NTNG1: variants seen among roughly 807,000 people sequenced by gnomAD.
NTNG1 encodes the protein netrin G1.
NTNG1 carries 16 observed loss-of-function variants against 54.0 expected under a neutral mutation model. The observed-to-expected ratio is 0.30, with a 90% CI of 0.20 to 0.45. The LOEUF is 0.45. NTNG1 is among the 20% of genes least tolerant of loss of function. The pLI is 1.00. For synonymous variants in NTNG1, 255 were observed against 263.1 expected (o/e 0.97, Z 0.30); for missense variants, 530 against 678.7 (o/e 0.78, Z 2.43).
intron 2 of NTNG1, among the ~76,000 whole-genome samples, chr1:107,235,986 T>C (rs537693955): frequency 9.2e-5 from 14 of 152,242 alleles, no homozygotes; most frequent in Admixed American, 8.5e-4. Context: ...GGATTACAGC[T>C]GAAAAAGCTG....
At chr1:107,149,153 G>T (rs902950833) in intron 2 of NTNG1, among the ~76,000 whole-genome samples, 1 of 152,142 alleles carries the variant, frequency 6.6e-6, no homozygotes, top group Non-Finnish European at 1.5e-5. Context: ...TAGATTGGAG[G>T]TTGGAAATAT....
At chr1:107,393,368 G>A (rs1444276129) in intron 3 of NTNG1, among the ~76,000 whole-genome samples, 1 of 152,116 alleles carries the variant, frequency 6.6e-6, no homozygotes, top group Non-Finnish European at 1.5e-5. Context: ...GTTGGAAGGA[G>A]AAAGATGCTT....
intron 3 of NTNG1, among the ~76,000 whole-genome samples, chr1:107,367,062 G>A (rs1412282248): frequency 8.0e-6 from 1 of 125,722 alleles, no homozygotes; most frequent in Admixed American, 8.6e-5. Flanking sequence ...TCTTTTATCT[G>A]TTCGTGTGTG....
At chr1:107,221,540 T>G (rs1228644544) in intron 2 of NTNG1, among the ~76,000 whole-genome samples, 1 of 152,100 alleles carries the variant, frequency 6.6e-6, no homozygotes, top group African/African-American at 2.4e-5. Context: ...TACCAAAATG[T>G]CAGGAAAGGC....
At chr1:107,420,269 A>C (rs1420210336) in intron 5 of NTNG1, among the ~76,000 whole-genome samples, 1 of 152,110 alleles carries the variant, frequency 6.6e-6, no homozygotes, top group Non-Finnish European at 1.5e-5. Context: ...TAGAATGTGG[A>C]TAATGAGTTC....
intron 3 of NTNG1, among the ~76,000 whole-genome samples, chr1:107,356,419 G>A (rs1480624080): frequency 6.6e-6 from 1 of 151,914 alleles, no homozygotes; most frequent in Non-Finnish European, 1.5e-5. Flanking sequence ...TCAGCCTCCC[G>A]AGTAGCTGCA....
rs745789113 is a variant in NTNG1 at position 107,148,818 on chromosome 1, T to A, written c.225T>A (p.Pro75=). ...CTCCGGATATTACCTGTGGAGACCC[T>A]CCTGAGACGTTCTGTGCAATGGTGA... ...LDPPDITCGD[P]PETFCAMGNP... is the part of the protein sequence containing the mutation. The change falls in exon 2 of 8, where the codon CCT becomes CCA. Residue 75 remains proline (P), a synonymous_variant. Transcript: ENST00000370068. 1 of 1,613,608 alleles carries A rather than the reference T, an allele frequency of 6.2e-7. No individual in the cohort carries two copies. The highest frequency in any genetic ancestry group is 1.1e-5 in the South Asian group (1 of 91,078).
intron 2 of NTNG1, among the ~76,000 whole-genome samples, chr1:107,185,209 C>T (rs978882825): frequency 1.3e-5 from 2 of 152,140 alleles, no homozygotes; most frequent in Admixed American, 1.3e-4. Flanking sequence ...GACAAAATGC[C>T]ACAAATTGGA....
chr1:107,229,718 T>A (rs1463574450), intron 2 of NTNG1, among the ~76,000 whole-genome samples: 1 of 152,016 alleles, frequency 6.6e-6, no homozygotes, highest in Non-Finnish European at 1.5e-5. Context: ...GCAAAAACTT[T>A]TGGGCACTTT....
intron 2 of NTNG1, among the ~76,000 whole-genome samples, chr1:107,186,336 T>C (rs1402775651): frequency 6.6e-6 from 1 of 152,166 alleles, no homozygotes; most frequent in Non-Finnish European, 1.5e-5. Flanking sequence ...TACTCTTGCC[T>C]CTTCTAAACC....
chr1:107,229,668 C>T (rs1660925660), intron 2 of NTNG1, among the ~76,000 whole-genome samples: 1 of 151,774 alleles, frequency 6.6e-6, no homozygotes, highest in Admixed American at 6.6e-5. Context: ...TCTTATCTTC[C>T]CTTCTCTCAC....
chr1:107,190,074 T>G (rs1657789957), intron 2 of NTNG1, among the ~76,000 whole-genome samples: 1 of 152,080 alleles, frequency 6.6e-6, no homozygotes, highest in Non-Finnish European at 1.5e-5. Context: ...ATGGCAAATA[T>G]TGTACAATTC....
rs10598493 is a variant in NTNG1 at position 107,381,348 on chromosome 1, TAAAAAAAAAA to T, written c.888-13787_888-13778del. 2.3e-4 allele frequency among the ~76,000 whole-genome samples: 12 copies of T among 51,616 alleles called. 1 individual carries two copies. The highest frequency in any genetic ancestry group is 1.1e-4 in the Non-Finnish European group (3 of 28,424). The allele number at this position is 51,616 out of a possible 152,430, so 33.9% of individuals were successfully genotyped here. A position where few individuals can be genotyped will look rare whatever the true frequency, so the allele number is the denominator to read the frequency against. On this transcript the variant is annotated intron_variant, in intron 3 of 7. Transcript: ENST00000370068. ...AAAATATAGCACCTTTCTCTTTAAC[TAAAAAAAAAA>T]AAAAAAAAAAAAAAAAAAGTCACTT... is the stretch of plus-strand genomic sequence containing the variant.
chr1:107,385,300 G>A (rs958074923), intron 3 of NTNG1, among the ~76,000 whole-genome samples: 4 of 151,918 alleles, frequency 2.6e-5, no homozygotes, highest in East Asian at 1.9e-4. Context: ...TCCCCTCACC[G>A]CCACGCCACT....
At chr1:107,393,569 A>C (rs1672495231) in intron 3 of NTNG1, among the ~76,000 whole-genome samples, 1 of 152,016 alleles carries the variant, frequency 6.6e-6, no homozygotes, top group Non-Finnish European at 1.5e-5. Context: ...TCATAAGTAC[A>C]CAGAGAACAG....
intron 7 of NTNG1, among the ~76,000 whole-genome samples, chr1:107,437,668 A>T (rs1022718372): frequency 6.6e-5 from 10 of 152,228 alleles, no homozygotes; most frequent in African/African-American, 2.2e-4. Flanking sequence ...CACATTAAAA[A>T]AGTAAAAAGA....
chr1:107,484,140 T>G lies in NTNG1; in HGVS notation c.*3300T>G, dbSNP rs1365729565. Among the ~76,000 whole-genome samples, 1 of 151,808 alleles carries G rather than the reference T, an allele frequency of 6.6e-6. No individual in the cohort carries two copies. Among genetic ancestry groups the G allele is most frequent in the South Asian group, 2.1e-4 (1 of 4,814 alleles). ...AGTGCATATACCTGGGCACAGGGAGTGGCAAAGGGTGCATCTGTGTGGATG... is the reference window on the plus strand; with the variant it reads ...AGTGCATATACCTGGGCACAGGGAGGGGCAAAGGGTGCATCTGTGTGGATG... On this transcript the variant is annotated 3_prime_UTR_variant, in exon 8 of 8. Transcript: ENST00000370068.
chr1:107,403,871 C>T (rs1036987022), intron 4 of NTNG1, among the ~76,000 whole-genome samples: 1 of 152,006 alleles, frequency 6.6e-6, no homozygotes, highest in Non-Finnish European at 1.5e-5. Context: ...AATGAAAGGG[C>T]TGAAGAAGAT....
At chr1:107,252,121 G>A (rs1216139818) in intron 2 of NTNG1, among the ~76,000 whole-genome samples, 1 of 152,132 alleles carries the variant, frequency 6.6e-6, no homozygotes, top group Admixed American at 6.5e-5. Flanking sequence ...GTTCATAGAT[G>A]GAATTGCTTA....
Sources: allele counts gnomAD v4.1 joint callset (sites outside exome capture counted in the v4.1 genomes callset), GRCh38; gene constraint gnomAD v4.1.1; transcripts MANE v1.5; gene names NCBI Gene and HGNC (gene_info 2026-07-23, HGNC 2026-07-21).